The following CDH4 variants were observed in gnomAD, a reference collection of about 807,000 sequenced individuals.
CDH4 encodes the protein cadherin 4.
A neutral mutation model predicts 86.0 loss-of-function variants in CDH4; 33 were observed. The observed-to-expected ratio is 0.38, with a 90% confidence interval of 0.29 to 0.51. The LOEUF (loss-of-function observed/expected upper bound fraction) is 0.51. Among genes scored for constraint, CDH4 ranks in the 20% least tolerant of loss-of-function variants. The pLI is 0.86. For synonymous variants in CDH4, 555 were observed against 549.4 expected, an observed-to-expected ratio of 1.01 and a Z score of -0.14; for missense variants, 1,114 against 1,307.4, an observed-to-expected ratio of 0.85 and a Z score of 2.28.
At chr20:61,422,086 A>C (rs1191227973) in intron 2 of CDH4, among the ~76,000 whole-genome samples, 1 of 152,182 alleles carries the variant, frequency 6.6e-6, no homozygotes, top group Non-Finnish European at 1.5e-5. Flanking sequence ...GAAGTTACCA[A>C]GATGACTTTT....
At chr20:61,875,636 G>GT (rs1414632295) in intron 7 of CDH4, among the ~76,000 whole-genome samples, 4 of 152,316 alleles carry the variant, frequency 2.6e-5, no homozygotes, top group African/African-American at 7.2e-5. Context: ...CGAGTGAGCT[G>GT]TGGTCAGTCC....
At chr20:61,436,595 A>G (rs890810379) in intron 2 of CDH4, 1 of 152,470 alleles carries the variant, frequency 6.6e-6, no homozygotes, top group Admixed American at 6.5e-5. Flanking sequence ...GTCTCCTTCC[A>G]GCACATCCAT....
At chr20:61,358,516 C>G (rs1462600473) in intron 2 of CDH4, among the ~76,000 whole-genome samples, 1 of 152,186 alleles carries the variant, frequency 6.6e-6, no homozygotes, top group East Asian at 1.9e-4. Flanking sequence ...CCATCACCTC[C>G]CTCCTAATTA....
chr20:61,641,164 G>A (rs187818179), intron 2 of CDH4, among the ~76,000 whole-genome samples: 81 of 152,320 alleles, frequency 5.3e-4, no homozygotes, highest in African/African-American at 1.9e-3. Flanking sequence ...CGGAGAGGGA[G>A]AAGGCAGCCT....
intron 2 of CDH4, among the ~76,000 whole-genome samples, chr20:61,284,065 G>A (rs1374777109): frequency 1.3e-5 from 2 of 151,940 alleles, no homozygotes; most frequent in Admixed American, 1.3e-4. Flanking sequence ...CCAGCACTTT[G>A]GAGGACAAGG....
intron 13 of CDH4, 77 bp downstream of exon 13, chr20:61,929,919 G>C: frequency 8.2e-7 from 1 of 1,222,526 alleles, no homozygotes. Context: ...GTGGGCAGAG[G>C]GGGGCCTGGA....
chr20:61,930,529 A>G (rs2055094252), intron 13 of CDH4, among the ~76,000 whole-genome samples: 1 of 152,012 alleles, frequency 6.6e-6, no homozygotes, highest in Non-Finnish European at 1.5e-5. Flanking sequence ...GGGTTGGGCT[A>G]CCACCTCCCC....
At chr20:61,694,664 G>A (rs919922032) in intron 2 of CDH4, among the ~76,000 whole-genome samples, 1 of 152,212 alleles carries the variant, frequency 6.6e-6, no homozygotes, top group Non-Finnish European at 1.5e-5. Context: ...ACCTCCAGGA[G>A]GAGGGGCTGC....
At chr20:61,702,427 T>C (rs1385519451) in intron 2 of CDH4, among the ~76,000 whole-genome samples, 2 of 152,094 alleles carry the variant, frequency 1.3e-5, no homozygotes, top group Non-Finnish European at 2.9e-5. Flanking sequence ...AAAACATTGC[T>C]CTGTAAAAAG....
intron 7 of CDH4, among the ~76,000 whole-genome samples, chr20:61,878,618 C>G (rs1333758189): frequency 6.6e-6 from 1 of 152,204 alleles, no homozygotes; most frequent in Non-Finnish European, 1.5e-5. Context: ...GGGCTTCCCT[C>G]CCCAGACATG....
At chr20:61,890,976 G>C (rs1984794534) in intron 7 of CDH4, among the ~76,000 whole-genome samples, 1 of 152,138 alleles carries the variant, frequency 6.6e-6, no homozygotes, top group Non-Finnish European at 1.5e-5. Flanking sequence ...GGGTCACGCT[G>C]CACCTCCAGG....
rs148838987 is a variant in CDH4 at position 61,544,731 on chromosome 20, G to A, written c.170-198832G>A. On this transcript the variant is annotated intron_variant, in intron 2 of 15. Coordinates refer to ENST00000614565, the MANE Select transcript of CDH4 (RefSeq NM_001794.5). This position sits in a 1 kb window ranked among gnomAD's most constrained non-coding sequence, Gnocchi z 6.5. ...GTTTGGGATAATTTTGGTGGAGAAA[G>A]TTGTAAAACCACCTGAATGAATTGG... Among the ~76,000 whole-genome samples the A allele has an allele frequency of 3.0e-3, 458 of 152,224 alleles. 1 individual carries two copies. The highest frequency in any genetic ancestry group is 0.01 in the African/African-American group (434 of 41,536).
chr20:61,791,871 C>T (rs1283556545), intron 4 of CDH4, among the ~76,000 whole-genome samples: 1 of 139,218 alleles, frequency 7.2e-6, no homozygotes, highest in Non-Finnish European at 1.5e-5. Context: ...AAGGTCTGTG[C>T]GGTGAAAATA....
chr20:61,383,013 T>G (rs2084913125), intron 2 of CDH4, among the ~76,000 whole-genome samples: 1 of 146,944 alleles, frequency 6.8e-6, no homozygotes, highest in Admixed American at 7.0e-5. Context: ...GGTGGGGGAG[T>G]GTATTAGTCA....
At chr20:61,550,628 T>G (rs2086122664) in intron 2 of CDH4, among the ~76,000 whole-genome samples, 1 of 150,900 alleles carries the variant, frequency 6.6e-6, no homozygotes, top group Non-Finnish European at 1.5e-5. Context: ...GTTCATATCC[T>G]GCAGGACCCC....
intron 2 of CDH4, among the ~76,000 whole-genome samples, chr20:61,616,757 G>C (rs143658634): frequency 2.0e-5 from 3 of 152,148 alleles, no homozygotes; most frequent in South Asian, 2.1e-4. Flanking sequence ...GGGTCCTTGC[G>C]TTTCTCTCCA....
intron 2 of CDH4, among the ~76,000 whole-genome samples, chr20:61,439,131 T>A (rs1282643639): frequency 6.6e-6 from 1 of 152,182 alleles, no homozygotes; most frequent in East Asian, 1.9e-4. Context: ...TAGTTTGATT[T>A]TTTGTCAAAA....
At chr20:61,662,169 G>A (rs2087264519) in intron 2 of CDH4, among the ~76,000 whole-genome samples, 1 of 152,106 alleles carries the variant, frequency 6.6e-6, no homozygotes, top group Non-Finnish European at 1.5e-5. Flanking sequence ...GCCATGGCCT[G>A]GTGTGTGATC....
At chr20:61,577,391 ATTGAAGGATGAGTGGATATTTTGTGTG>A (rs1260668346) in intron 2 of CDH4, among the ~76,000 whole-genome samples, 2 of 149,484 alleles carry the variant, frequency 1.3e-5, no homozygotes, top group East Asian at 2.0e-4. Context: ...ATGTTTGTAT[ATTGAAGGATGAGTGGATATTTTGTGTG>A]TTGAAGGATG....
Sources: allele counts gnomAD v4.1 joint callset (sites outside exome capture counted in the v4.1 genomes callset), GRCh38; gene constraint gnomAD v4.1.1; non-coding constraint Gnocchi (gnomAD v3.1); transcripts MANE v1.5; gene names NCBI Gene and HGNC (gene_info 2026-07-23, HGNC 2026-07-21).